NUP62CL: variants seen among roughly 807,000 people sequenced by gnomAD.
The protein encoded by NUP62CL is nucleoporin-62 C-terminal-like protein.
NUP62CL carries 13 observed loss-of-function variants against 15.3 expected under a neutral mutation model. That is an observed-to-expected ratio of 0.85 (90% CI 0.55 to 1.35). The LOEUF (loss-of-function observed/expected upper bound fraction) is 1.35, where lower values mean the gene tolerates loss of function less well. Among genes scored for constraint, NUP62CL ranks in the 40% most tolerant of loss-of-function variants. The probability of loss-of-function intolerance (pLI) is 0.00; values close to 1 mark genes in which losing one functional copy is unlikely to be tolerated. For synonymous variants in NUP62CL, 54 were observed against 49.2 expected (o/e 1.10, Z -0.41); for missense variants, 123 against 130.6 (o/e 0.94, Z 0.28).
intron 4 of NUP62CL, among the ~76,000 whole-genome samples, chrX:107,167,201 ACTGT>A (rs1198859248): frequency 3.6e-5 from 4 of 112,011 alleles, no homozygotes; most frequent in African/African-American, 1.3e-4. Context: ...CCAGAGCTTG[ACTGT>A]CTGAATTTTA....
intron 1 of NUP62CL, among the ~76,000 whole-genome samples, chrX:107,199,146 G>T (rs762690423): frequency 9.0e-6 from 1 of 111,307 alleles, no homozygotes; most frequent in East Asian, 2.8e-4. Flanking sequence ...ATAAAAGGAA[G>T]CACTTATTGA....
At chrX:107,140,203 G>A (rs748951907) in intron 8 of NUP62CL, among the ~76,000 whole-genome samples, 1 of 111,912 alleles carries the variant, frequency 8.9e-6, no homozygotes, top group Non-Finnish European at 1.9e-5. Context: ...GGAGAAAAAT[G>A]TAGTAGAATT....
intron 8 of NUP62CL, among the ~76,000 whole-genome samples, chrX:107,143,710 T>C (rs758055593): frequency 2.9e-4 from 32 of 112,139 alleles, no homozygotes; most frequent in Non-Finnish European, 5.4e-4. Context: ...TAAAAAACTA[T>C]AATATTTGTA....
intron 4 of NUP62CL, among the ~76,000 whole-genome samples, chrX:107,154,862 A>C (rs1419842615): frequency 9.0e-6 from 1 of 111,698 alleles, no homozygotes; most frequent in Non-Finnish European, 1.9e-5. Flanking sequence ...CACGATTCCA[A>C]TTCCTCCACC....
chrX:107,159,916 A>C (rs1926313687), intron 4 of NUP62CL, among the ~76,000 whole-genome samples: 1 of 107,417 alleles, frequency 9.3e-6, no homozygotes, highest in South Asian at 4.4e-4. Flanking sequence ...TTAAGCTAAT[A>C]AGCAACTTCA....
intron 2 of NUP62CL, among the ~76,000 whole-genome samples, chrX:107,182,397 A>C (rs940727196): frequency 8.9e-6 from 1 of 112,269 alleles, no homozygotes; most frequent in African/African-American, 3.2e-5. Flanking sequence ...ACTGAACTAG[A>C]AGAAGGGTTC....
chrX:107,184,089 C>G (rs185293874), intron 2 of NUP62CL, among the ~76,000 whole-genome samples: 153 of 109,356 alleles, frequency 1.4e-3, no homozygotes, highest in Non-Finnish European at 2.3e-3. Context: ...CACCTCCCCC[C>G]CCTCCACCAG....
chrX:107,201,019 A>C (rs1368628946), intron 1 of NUP62CL, among the ~76,000 whole-genome samples: 1 of 111,548 alleles, frequency 9.0e-6, no homozygotes, highest in Non-Finnish European at 1.9e-5. Context: ...AGATCTCAAA[A>C]ACTGTTATTT....
At chrX:107,138,651 G>A (rs1218610942) in intron 8 of NUP62CL, among the ~76,000 whole-genome samples, 3 of 111,516 alleles carry the variant, frequency 2.7e-5, no homozygotes, top group Admixed American at 9.5e-5. Flanking sequence ...GAAAAATAGC[G>A]AAAATACCAA....
intron 8 of NUP62CL, among the ~76,000 whole-genome samples, chrX:107,139,826 G>T (rs1049935963): frequency 1.8e-5 from 2 of 111,955 alleles, no homozygotes; most frequent in African/African-American, 6.5e-5. Flanking sequence ...AGAAACGGAG[G>T]AAGGGAAGGA....
intron 8 of NUP62CL, among the ~76,000 whole-genome samples, chrX:107,126,478 A>T (rs1171125536): frequency 8.9e-6 from 1 of 112,496 alleles, no homozygotes; most frequent in Non-Finnish European, 1.9e-5. Context: ...TAATTTTAAA[A>T]CTTAATCAAG....
At chrX:107,165,774 T>C (rs1240826658) in intron 4 of NUP62CL, among the ~76,000 whole-genome samples, 1 of 111,810 alleles carries the variant, frequency 8.9e-6, no homozygotes, top group Non-Finnish European at 1.9e-5. Context: ...AAATTGATTT[T>C]TGACAAAGGT....
chrX:107,124,176 T>C lies in NUP62CL; in HGVS notation c.*199A>G, dbSNP rs886316027. On this transcript the variant is annotated 3_prime_UTR_variant, in exon 9 of 9. Coordinates refer to ENST00000372466, the MANE Select transcript of NUP62CL (RefSeq NM_017681.3). ...ATGAAATATTAAGTATAAATACTAC[T>C]CTATTTAACATCAGAATTTGTAGGT... 3.1e-6 allele frequency: 1 copy of C among 320,574 alleles called. No homozygotes were observed. The highest frequency in any genetic ancestry group is 2.7e-5 in the African/African-American group (1 of 36,668). The allele number at this position is 320,574 out of a possible 1,213,427, so 26.4% of individuals were successfully genotyped here. A position where few individuals can be genotyped will look rare whatever the true frequency, so the allele number is the denominator to read the frequency against.
intron 1 of NUP62CL, among the ~76,000 whole-genome samples, chrX:107,194,149 A>G (rs764425913): frequency 1.8e-5 from 2 of 111,456 alleles, no homozygotes; most frequent in East Asian, 5.6e-4. Flanking sequence ...AGAGAAGGAA[A>G]AAATAGAATG....
chrX:107,192,929 A>T (rs1049523817), intron 2 of NUP62CL, 100 bp downstream of exon 2: 5 of 111,742 alleles, frequency 4.5e-5, no homozygotes, highest in Non-Finnish European at 9.4e-5. Flanking sequence ...GGTTGGGACA[A>T]CACCCTCAAA....
chrX:107,203,959 T>A (rs1927548622), intron 1 of NUP62CL, among the ~76,000 whole-genome samples: 1 of 111,809 alleles, frequency 8.9e-6, no homozygotes, highest in Admixed American at 9.5e-5. Context: ...ACAGAAACCT[T>A]TGGGTGTATT....
At chrX:107,155,499 C>CT (rs1465598185) in intron 4 of NUP62CL, among the ~76,000 whole-genome samples, 10 of 111,583 alleles carry the variant, frequency 9.0e-5, no homozygotes, top group Non-Finnish European at 1.7e-4. Context: ...CAATGTTCAC[C>CT]TTTCATGAGG....
intron 8 of NUP62CL, among the ~76,000 whole-genome samples, chrX:107,138,847 C>T (rs1925702312): frequency 8.9e-6 from 1 of 112,075 alleles, no homozygotes; most frequent in Non-Finnish European, 1.9e-5. Flanking sequence ...AGAACCTGTA[C>T]ATAAATGTTC....
Sources: gnomAD v4.1 joint callset for allele counts (sites outside exome capture counted in the v4.1 genomes callset) on GRCh38, gnomAD v4.1.1 for gene constraint, MANE v1.5 for transcripts, NCBI Gene and HGNC (gene_info 2026-07-23, HGNC 2026-07-21) for gene names.